Variants in ANK2 observed in about 807,000 individuals in gnomAD.
ANK2 encodes ankyrin-2.
A neutral mutation model predicts 360.5 loss-of-function variants in ANK2; 83 were observed. The observed-to-expected ratio is 0.23, with a 90% CI of 0.19 to 0.28. ANK2 has a LOEUF of 0.28. ANK2 is among the 10% of genes least tolerant of loss of function. The pLI, the probability that ANK2 is intolerant of heterozygous loss-of-function variation, is 1.00. For synonymous variants in ANK2, 1,740 were observed against 1,759.5 expected (o/e 0.99, Z 0.28); for missense variants, 4,201 against 4,795.7 (o/e 0.88, Z 3.66).
chr4:112,932,122 TGA>T (rs2093297051), intron 2 of ANK2, among the ~76,000 whole-genome samples: 1 of 152,182 alleles, frequency 6.6e-6, no homozygotes, highest in South Asian at 2.1e-4. Flanking sequence ...TTTGGGAGGC[TGA>T]GACGGGTGGA....
At chr4:113,015,302 C>A (rs2056296663) in intron 2 of ANK2, among the ~76,000 whole-genome samples, 1 of 152,114 alleles carries the variant, frequency 6.6e-6, no homozygotes, top group Non-Finnish European at 1.5e-5. Flanking sequence ...TATAATAATA[C>A]CTAATCTTCA....
the ANK2 span, among the ~76,000 whole-genome samples, chr4:112,713,575 CA>C: frequency 0.01 from 1,541 of 150,824 alleles, 26 homozygotes; most frequent in African/African-American, 0.035. Flanking sequence ...GTCTCAAAAA[CA>C]AAAAAAATTG....
At chr4:113,190,896 G>A (rs1377696506) in intron 2 of ANK2, among the ~76,000 whole-genome samples, 1 of 152,066 alleles carries the variant, frequency 6.6e-6, no homozygotes, top group Non-Finnish European at 1.5e-5. Context: ...ATAATAAGTA[G>A]TTCAGATAAT....
chr4:112,810,148 TATATATATA>T, the ANK2 span, among the ~76,000 whole-genome samples: 65 of 19,632 alleles, frequency 3.3e-3, 1 homozygote, highest in African/African-American at 8.2e-3. Context: ...TATATATATA[TATATATATA>T]TATTTTTTTT....
At chr4:112,935,622 G>C (rs1387427455) in intron 2 of ANK2, among the ~76,000 whole-genome samples, 3 of 146,796 alleles carry the variant, frequency 2.0e-5, no homozygotes, top group African/African-American at 8.0e-5. Context: ...CAGGTGGATT[G>C]CTTTAGCTTG....
At chr4:113,201,990 A>G (rs2098836483) in intron 4 of ANK2, among the ~76,000 whole-genome samples, 1 of 152,210 alleles carries the variant, frequency 6.6e-6, no homozygotes, top group South Asian at 2.1e-4. Context: ...GCTTCAAACT[A>G]ACATTCATAT....
At chr4:113,149,922 A>C (rs146881476) in intron 1 of ANK2, among the ~76,000 whole-genome samples, 1 of 151,070 alleles carries the variant, frequency 6.6e-6, no homozygotes, top group African/African-American at 2.4e-5. Flanking sequence ...AGAAGAGAAG[A>C]CATGACTTTC....
chr4:113,151,328 T>C (rs2097074182), intron 1 of ANK2: 5 of 366,000 alleles, frequency 1.4e-5, no homozygotes, highest in African/African-American at 2.1e-5. Context: ...TGGATCACAG[T>C]TCTGCAAGCT....
chr4:113,024,559 C>A (rs2058844325), intron 2 of ANK2, among the ~76,000 whole-genome samples: 1 of 152,170 alleles, frequency 6.6e-6, no homozygotes, highest in South Asian at 2.1e-4. Flanking sequence ...AGTTTTGTAA[C>A]TAAGCAATAG....
chr4:112,746,618 C>T, the ANK2 span, among the ~76,000 whole-genome samples: 1 of 151,674 alleles, frequency 6.6e-6, no homozygotes, highest in Non-Finnish European at 1.5e-5. Flanking sequence ...TGAAGTGATA[C>T]AGATGATGTG....
At chr4:112,788,435 T>C in the ANK2 span, 5 of 1,599,952 alleles carry the variant, frequency 3.1e-6, no homozygotes, top group South Asian at 4.5e-5. Context: ...CTGAGCTTTC[T>C]TGTTCTCCAC....
intron 10 of ANK2, among the ~76,000 whole-genome samples, chr4:113,250,507 A>G (rs1263838769): frequency 2.0e-5 from 3 of 152,142 alleles, no homozygotes; most frequent in African/African-American, 4.8e-5. Flanking sequence ...TGAGCACCAC[A>G]CTGTGAGTTG....
At chr4:113,055,553 T>G (rs1199148855) in intron 1 of ANK2, among the ~76,000 whole-genome samples, 1 of 152,204 alleles carries the variant, frequency 6.6e-6, no homozygotes, top group African/African-American at 2.4e-5. Flanking sequence ...CAGTAACATT[T>G]GTTTAAGTCT....
intron 2 of ANK2, among the ~76,000 whole-genome samples, chr4:113,186,515 T>G (rs1255196720): frequency 6.6e-6 from 1 of 151,196 alleles, no homozygotes; most frequent in Non-Finnish European, 1.5e-5. Flanking sequence ...AGTTTCCCAG[T>G]ACTTTCCCAC....
chr4:112,817,011 A>G (rs1263141615), upstream of ANK2, among the ~76,000 whole-genome samples: 4 of 152,174 alleles, frequency 2.6e-5, no homozygotes, highest in Non-Finnish European at 4.4e-5. Context: ...ACGGTGTCCA[A>G]AAAAAACAGT....
chr4:113,160,812 T>G (rs2097508144), intron 1 of ANK2, among the ~76,000 whole-genome samples: 1 of 152,188 alleles, frequency 6.6e-6, no homozygotes, highest in African/African-American at 2.4e-5. Context: ...TCTGACTCAT[T>G]GTCAACACAT....
the ANK2 span, among the ~76,000 whole-genome samples, chr4:112,767,215 G>A: frequency 9.2e-5 from 14 of 152,188 alleles, no homozygotes; most frequent in East Asian, 2.7e-3. Context: ...AGCAATTCAA[G>A]ATAGTATGTA....
chr4:112,850,504 C>CTTTTTTTTTTTTTTTTTT lies in ANK2; in HGVS notation c.-40+32253_-40+32270dup, dbSNP rs60510554. Among the ~76,000 whole-genome samples the CTTTTTTTTTTTTTTTTTT allele has an allele frequency of 2.2e-3, 13 of 5,820 alleles. 4 individuals are homozygous for CTTTTTTTTTTTTTTTTTT. Among genetic ancestry groups the CTTTTTTTTTTTTTTTTTT allele is most frequent in the Non-Finnish European group, 3.8e-3 (13 of 3,408 alleles). 3.8% of individuals were successfully genotyped at this position (5,820 alleles called of 152,430 possible). On this transcript the variant is annotated intron_variant, in intron 1 of 30. Transcript: ENST00000503271. ...TTTTTTTAACATTTCCTGTGCTAGT[C>CTTTTTTTTTTTTTTTTTT]TTTTTTTTTTTTTTTTTTTTTTTTT...
intron 4 of ANK2, among the ~76,000 whole-genome samples, chr4:113,227,372 A>G (rs2153516342): frequency 6.6e-6 from 1 of 152,268 alleles, no homozygotes; most frequent in Non-Finnish European, 1.5e-5. Flanking sequence ...GTCTCCTAGC[A>G]CCCCAAGCCA....
Sources: gnomAD v4.1 joint callset for allele counts (sites outside exome capture counted in the v4.1 genomes callset) on GRCh38, gnomAD v4.1.1 for gene constraint, MANE v1.5 for transcripts, NCBI Gene and HGNC (gene_info 2026-07-23, HGNC 2026-07-21) for gene names.